Variants in TDRD7 observed in about 807,000 individuals in gnomAD.
The protein encoded by TDRD7 is tudor domain-containing protein 7.
A neutral mutation model predicts 109.8 loss-of-function variants in TDRD7; 47 were observed. That is an observed-to-expected ratio of 0.43 (90% CI 0.34 to 0.55). The LOEUF (loss-of-function observed/expected upper bound fraction) is 0.55. Ranked by LOEUF, TDRD7 falls within the 20% of genes least tolerant of loss-of-function variation. The pLI, the probability that TDRD7 is intolerant of heterozygous loss-of-function variation, is 0.03. For synonymous variants in TDRD7, 424 were observed against 457.3 expected (o/e 0.93, Z 0.93); for missense variants, 1,164 against 1,319.2 (o/e 0.88, Z 1.82).
chr9:97,413,143 C>T (rs1229242390), intron 1 of TDRD7, among the ~76,000 whole-genome samples: 1 of 152,180 alleles, frequency 6.6e-6, no homozygotes, highest in Admixed American at 6.5e-5. Flanking sequence ...CCTCTCTGCT[C>T]TCCAATCGTG....
At chr9:97,481,144 C>T (rs1031834127) in intron 14 of TDRD7, among the ~76,000 whole-genome samples, 2 of 152,172 alleles carry the variant, frequency 1.3e-5, no homozygotes, top group African/African-American at 4.8e-5. Flanking sequence ...TCCTGTCTCT[C>T]CAGTATTATT....
chr9:97,488,567 T>G (rs55999127), intron 16 of TDRD7, among the ~76,000 whole-genome samples: 63 of 95,106 alleles, frequency 6.6e-4, no homozygotes, highest in African/African-American at 2.3e-3. Context: ...ATGGTTTTTT[T>G]TTTTTTTTTT....
At chr9:97,451,204 C>T (rs1201099159) in intron 6 of TDRD7, among the ~76,000 whole-genome samples, 1 of 152,108 alleles carries the variant, frequency 6.6e-6, no homozygotes, top group Non-Finnish European at 1.5e-5. Context: ...CTCCACACTC[C>T]TTCCGGCATA....
chr9:97,488,731 T>A (rs917907820), intron 16 of TDRD7, among the ~76,000 whole-genome samples: 1 of 152,220 alleles, frequency 6.6e-6, no homozygotes, highest in Non-Finnish European at 1.5e-5. Context: ...TTGGTACTTA[T>A]GGTGTGCTAG....
chr9:97,420,488 GTGTC>G, intron 1 of TDRD7, among the ~76,000 whole-genome samples: 1 of 152,266 alleles, frequency 6.6e-6, no homozygotes, highest in Middle Eastern at 3.4e-3. Flanking sequence ...TCTAATTTCT[GTGTC>G]TGTAGTTTCG....
chr9:97,464,796 T>C, intron 7 of TDRD7, 46 bp from the exon 8 acceptor site: 1 of 1,607,854 alleles, frequency 6.2e-7, no homozygotes, highest in Non-Finnish European at 8.5e-7. Flanking sequence ...TTGCTTTTCT[T>C]CTTCTAGGTT....
chr9:97,414,706 TC>T (rs988754488), intron 1 of TDRD7, among the ~76,000 whole-genome samples: 1 of 152,074 alleles, frequency 6.6e-6, no homozygotes, highest in African/African-American at 2.4e-5. Context: ...AAAAGATAAC[TC>T]CCTGAAAAAA....
In TDRD7 at chr9:97,465,694, G is replaced by T. The variant is rs549915936; in HGVS notation, c.1629+666G>T. The stretch of plus-strand genomic sequence containing the variant: ...AAATTAGGTATTAGCTCCGTGTGCT[G>T]TGTGGTCAGTTGTACTAGTGTATTT... On this transcript the variant is annotated intron_variant, in intron 8 of 16. Coordinates refer to ENST00000355295, the MANE Select transcript of TDRD7 (RefSeq NM_014290.3). Among the ~76,000 whole-genome samples, 9 of 152,284 alleles carry T rather than the reference G, an allele frequency of 5.9e-5. No individual in the cohort carries two copies. The South Asian group carries it at 1.9e-3, about 32-fold the overall frequency.
At position 97,470,549 on chromosome 9, in the gene TDRD7, A is replaced by G; in HGVS notation, c.1630-9A>G. Reference sequence around the variant, plus strand: ...AAAGAACTAAACATTCTGTGTTTTTAATCATTAGGTATGCTATGTTGACTA... The same window carrying G: ...AAAGAACTAAACATTCTGTGTTTTTGATCATTAGGTATGCTATGTTGACTA... On this transcript the variant is annotated splice_polypyrimidine_tract_variant and intron_variant, in intron 8 of 16. Coordinates refer to ENST00000355295, the MANE Select transcript of TDRD7 (RefSeq NM_014290.3). 6.2e-7 allele frequency: 1 copy of G among 1,604,668 alleles called. No individual in the cohort carries two copies. The highest frequency in any genetic ancestry group is 8.5e-7 in the Non-Finnish European group (1 of 1,172,042).
chr9:97,422,927 T>G (rs570192605), intron 1 of TDRD7, among the ~76,000 whole-genome samples: 1 of 152,380 alleles, frequency 6.6e-6, no homozygotes, highest in South Asian at 2.1e-4. Context: ...TGTTGGATTT[T>G]ATTTGCTAAT....
rs1829139301 is a variant in TDRD7 at position 97,482,903 on chromosome 9, A to G, written c.2467A>G (p.Lys823Glu). 15 of 1,614,078 alleles carry G rather than the reference A, an allele frequency of 9.3e-6. No homozygotes were observed. The highest frequency in any genetic ancestry group is 1.7e-5 in the Admixed American group (1 of 59,992). ...GIAHVYLFTP[K>E]NFPDPHRSIN... ...CGCACATGTTTATTTATTTACCCCT[A>G]AGAACTTCCCTGACCCTCATCGCAG... The change falls in exon 15 of 17, where the codon AAG (lysine) becomes GAG (glutamate). Residue 823 changes from lysine to glutamate, a missense_variant. This residue lies in a region of TDRD7 where 233 missense variants were observed against 218.0 expected (regional missense o/e 1.07). Transcript: ENST00000355295.
At chr9:97,495,048 G>A (rs1292120380) in intron 16 of TDRD7, among the ~76,000 whole-genome samples, 7 of 152,036 alleles carry the variant, frequency 4.6e-5, no homozygotes, top group African/African-American at 1.7e-4. Flanking sequence ...TTTTAAAATC[G>A]AATTTAGAAT....
At chr9:97,483,735 A>G (rs951119740) in intron 15 of TDRD7, among the ~76,000 whole-genome samples, 1 of 152,056 alleles carries the variant, frequency 6.6e-6, no homozygotes, top group African/African-American at 2.4e-5. Context: ...AACCACCCAC[A>G]CATAACACTT....
chr9:97,434,699 T>C (rs958693689), intron 4 of TDRD7, among the ~76,000 whole-genome samples: 3 of 152,190 alleles, frequency 2.0e-5, no homozygotes, highest in South Asian at 2.1e-4. Flanking sequence ...TGAAAACTTA[T>C]GTTAACACAA....
chr9:97,451,530 T>G lies in TDRD7; in HGVS notation c.856-8648T>G, dbSNP rs113685429. Among the ~76,000 whole-genome samples the G allele has an allele frequency of 8.3e-3, 1,260 of 152,326 alleles. 45 individuals are homozygous for G. In the East Asian group the frequency reaches 0.11, roughly 13 times the overall value. On this transcript the variant is annotated intron_variant, in intron 6 of 16. Coordinates refer to ENST00000355295, the MANE Select transcript of TDRD7 (RefSeq NM_014290.3). Reference sequence around the variant, plus strand: ...CTTCAACTATTAGTCTGAAGTGAGTTATCCTCCTGCCCCAGGCTCCCAAAG... The same window carrying G: ...CTTCAACTATTAGTCTGAAGTGAGTGATCCTCCTGCCCCAGGCTCCCAAAG...
At position 97,437,648 on chromosome 9, in the gene TDRD7, C is replaced by T. The variant is rs62557506; in HGVS notation, c.564-1597C>T. 2.1e-3 allele frequency among the ~76,000 whole-genome samples: 324 copies of T among 152,236 alleles called. 1 individual carries two copies. The highest frequency in any genetic ancestry group is 3.4e-3 in the Middle Eastern group (1 of 294). On this transcript the variant is annotated intron_variant, in intron 4 of 16. Coordinates refer to ENST00000355295, the MANE Select transcript of TDRD7 (RefSeq NM_014290.3). The stretch of plus-strand genomic sequence containing the variant: ...ACCACGGTCCGTTTCTCAACTATAC[C>T]GTGTAGTCCCAGAGAATAGGGCATG...
At chr9:97,477,532 A>G (rs1224937271) in intron 12 of TDRD7, among the ~76,000 whole-genome samples, 1 of 152,164 alleles carries the variant, frequency 6.6e-6, no homozygotes, top group East Asian at 1.9e-4. Flanking sequence ...GTGTATGTCC[A>G]AATATTTTAG....
rs758675537 is a variant in TDRD7, at chr9:97,470,641, A to C, written c.1713A>C (p.Ser571=). 1 of 1,613,946 alleles carries C rather than the reference A, an allele frequency of 6.2e-7. No homozygotes were observed. The highest frequency in any genetic ancestry group is 1.1e-5 in the South Asian group (1 of 91,084). The change falls in exon 9 of 17, where the codon TCA becomes TCC. Residue 571 remains serine, a synonymous_variant. Transcript: ENST00000355295. ...TAAACCCGAAGTTTTGTTCACTCTC[A>C]TTTCAAGCTACAAAATGTAAGCTTG... The part of the protein sequence containing the change: ...YKLNPKFCSL[S]FQATKCKLAG...
Position 97,475,420 on chromosome 9 carries a change from G to C in TDRD7, c.2117G>C (p.Cys706Ser), listed in dbSNP as rs1260515121. ...TSECFVSLPF[C>S]GKICLFHCKG... is the part of the protein sequence containing the mutation. ...GAGTGCTTTGTTTCATTACCCTTCT[G>C]TGGGAAAATCTGCCTCTTCCATTGC... The change falls in exon 12 of 17, where the codon TGT becomes TCT. Residue 706 changes from cysteine (C) to serine (S), a missense_variant. By Grantham distance (112) the Cys-to-Ser change is moderately radical. Transcript: ENST00000355295. The C allele has an allele frequency of 1.9e-6, 3 of 1,613,772 alleles. No individual in the cohort carries two copies. Among genetic ancestry groups the C allele is most frequent in the Non-Finnish European group, 2.5e-6 (3 of 1,179,798 alleles).
Sources: allele counts gnomAD v4.1 joint callset (sites outside exome capture counted in the v4.1 genomes callset), GRCh38; gene constraint gnomAD v4.1.1; regional missense constraint gnomAD v4.1.1; transcripts MANE v1.5; gene names NCBI Gene and HGNC (gene_info 2026-07-23, HGNC 2026-07-21).